Variants in MSI2 observed in about 807,000 individuals in gnomAD.
The protein encoded by MSI2 is RNA-binding protein Musashi homolog 2.
MSI2 carries 17 observed loss-of-function variants against 45.6 expected under a neutral mutation model. The ratio of observed to expected loss-of-function variants is 0.37; its 90% CI spans 0.26 to 0.56. MSI2 has a LOEUF of 0.56. MSI2 is among the 20% of genes least tolerant of loss of function. The pLI, the probability that MSI2 is intolerant of heterozygous loss-of-function variation, is 0.77. For synonymous variants in MSI2, 156 were observed against 158.2 expected, an observed-to-expected ratio of 0.99 and a Z score of 0.11; for missense variants, 293 against 444.2, an observed-to-expected ratio of 0.66 and a Z score of 3.06.
intron 10 of MSI2, among the ~76,000 whole-genome samples, chr17:57,641,040 A>C (rs1425366361): frequency 6.6e-6 from 1 of 152,234 alleles, no homozygotes; most frequent in Non-Finnish European, 1.5e-5. Context: ...ACTAGCTGGT[A>C]AATGGCTGCT....
At chr17:57,314,878 G>A (rs1352784109) in intron 5 of MSI2, among the ~76,000 whole-genome samples, 2 of 152,102 alleles carry the variant, frequency 1.3e-5, no homozygotes, top group East Asian at 1.9e-4. Context: ...CCGCGCCTGC[G>A]TTTTTAGAAG....
intron 6 of MSI2, among the ~76,000 whole-genome samples, chr17:57,428,084 G>T (rs1056144455): frequency 6.6e-6 from 1 of 152,182 alleles, no homozygotes; most frequent in Non-Finnish European, 1.5e-5. Context: ...AGGAATGTTT[G>T]TATATCAGTG....
In MSI2 at chr17:57,317,052, A is replaced by G. The variant is rs149890688; in HGVS notation, c.312+54860A>G. 1.8e-4 allele frequency among the ~76,000 whole-genome samples: 27 copies of G among 152,226 alleles called. No homozygotes were observed. The East Asian group carries it at 5.2e-3, about 29-fold the overall frequency. On this transcript the variant is annotated intron_variant, in intron 5 of 13. Coordinates refer to ENST00000284073, the MANE Select transcript of MSI2 (RefSeq NM_138962.4). ...ATTTGTGGAGGTGGGCTGTGTTTTC[A>G]GAGGCCCTGTCAATAGTTAAGATCT...
intron 6 of MSI2, among the ~76,000 whole-genome samples, chr17:57,402,084 T>G (rs2084002987): frequency 6.6e-6 from 1 of 151,300 alleles, no homozygotes; most frequent in Non-Finnish European, 1.5e-5. Flanking sequence ...GGAAACAGAG[T>G]GTGAGAAGGT....
chr17:57,543,231 A>G (rs574713721), intron 7 of MSI2, among the ~76,000 whole-genome samples: 97 of 152,336 alleles, frequency 6.4e-4, no homozygotes, highest in African/African-American at 2.3e-3. Context: ...GCACCCAAGG[A>G]AAGAACCCAG....
At chr17:57,604,632 G>A (rs1906320139) in intron 8 of MSI2, among the ~76,000 whole-genome samples, 1 of 152,222 alleles carries the variant, frequency 6.6e-6, no homozygotes. Context: ...CCACTTCTAA[G>A]AGCAAAGCCT....
chr17:57,312,438 C>T (rs1305331755), intron 5 of MSI2, among the ~76,000 whole-genome samples: 1 of 152,122 alleles, frequency 6.6e-6, no homozygotes, highest in East Asian at 1.9e-4. Context: ...GCTGCAGGCT[C>T]CCTGGGGCCC....
At chr17:57,512,159 C>T (rs1411612126) in intron 6 of MSI2, among the ~76,000 whole-genome samples, 1 of 152,242 alleles carries the variant, frequency 6.6e-6, no homozygotes, top group African/African-American at 2.4e-5. Context: ...GCACTTATCA[C>T]GTATCCTGCA....
In MSI2 at chr17:57,256,728, C is replaced by T. The variant is rs768313042; in HGVS notation, c.-15C>T. ...GCTTGGTTTTTTGGGGGTGGGGGGG[C>T]GGGGGGGCTCAGATATGGAGGCAAA... is the stretch of plus-strand genomic sequence containing the variant. On this transcript the variant is annotated 5_prime_UTR_variant, in exon 1 of 14. Coordinates refer to ENST00000284073, the MANE Select transcript of MSI2 (RefSeq NM_138962.4). 4 of 1,143,006 alleles carry T rather than the reference C, an allele frequency of 3.5e-6. No individual in the cohort carries two copies. Among genetic ancestry groups the T allele is most frequent in the Admixed American group, 7.2e-5 (1 of 13,868 alleles). 70.8% of individuals were successfully genotyped at this position (1,143,006 alleles called of 1,614,324 possible).
intron 4 of MSI2, among the ~76,000 whole-genome samples, chr17:57,259,759 A>G (rs932137022): frequency 2.0e-5 from 3 of 152,066 alleles, no homozygotes; most frequent in Admixed American, 2.0e-4. Context: ...GTGAAATTAA[A>G]GAGGAAAATC....
chr17:57,537,432 C>T (rs925231689), intron 7 of MSI2, among the ~76,000 whole-genome samples: 6 of 152,220 alleles, frequency 3.9e-5, no homozygotes, highest in African/African-American at 1.4e-4. Context: ...GCTGTCTGCA[C>T]ATTTTATTTT....
chr17:57,560,419 G>T (rs918813419), intron 7 of MSI2, among the ~76,000 whole-genome samples: 2 of 152,136 alleles, frequency 1.3e-5, no homozygotes, highest in Non-Finnish European at 2.9e-5. Context: ...ACTTCCATGG[G>T]GATTTACAAG....
intron 6 of MSI2, among the ~76,000 whole-genome samples, chr17:57,491,562 G>C (rs985299664): frequency 6.6e-6 from 1 of 152,230 alleles, no homozygotes; most frequent in Non-Finnish European, 1.5e-5. Flanking sequence ...TGCAGCCAGA[G>C]GGTCTTGGCC....
At chr17:57,689,295 AT>A (rs1222881855), downstream of MSI2, among the ~76,000 whole-genome samples, 3 of 152,048 alleles carry the variant, frequency 2.0e-5, no homozygotes, top group African/African-American at 7.2e-5. Flanking sequence ...AACTATTTCC[AT>A]TTTTTGAATA....
chr17:57,491,431 A>T (rs943445136), intron 6 of MSI2, among the ~76,000 whole-genome samples: 34 of 152,252 alleles, frequency 2.2e-4, no homozygotes, highest in African/African-American at 7.7e-4. Flanking sequence ...GGTGCTGGAA[A>T]GCAGCCCAGG....
chr17:57,373,647 C>G (rs574422655), intron 5 of MSI2, among the ~76,000 whole-genome samples: 16 of 152,226 alleles, frequency 1.1e-4, no homozygotes, highest in Admixed American at 4.6e-4. Context: ...CCTACTGTCT[C>G]TTCTGTCATC....
intron 6 of MSI2, among the ~76,000 whole-genome samples, chr17:57,421,714 T>G (rs1032197652): frequency 2.6e-5 from 4 of 152,068 alleles, no homozygotes; most frequent in Non-Finnish European, 5.9e-5. Context: ...TGAGACCCTA[T>G]CTGTACAAAA....
chr17:57,514,665 T>G (rs56333746), intron 6 of MSI2, among the ~76,000 whole-genome samples: 6,674 of 118,322 alleles, frequency 0.056, 201 homozygotes, highest in Non-Finnish European at 0.08. Flanking sequence ...TTTTTTTTTT[T>G]TTTTTTTAAG....
At position 57,407,476 on chromosome 17, in the gene MSI2, G is replaced by A. The variant is rs1167807004; in HGVS notation, c.405+6005G>A. Among the ~76,000 whole-genome samples, 2 of 152,210 alleles carry A rather than the reference G, an allele frequency of 1.3e-5. No individual in the cohort carries two copies. Among genetic ancestry groups the A allele is most frequent in the African/African-American group, 2.4e-5 (1 of 41,444 alleles). On this transcript the variant is annotated intron_variant, in intron 6 of 13. Transcript: ENST00000284073. The surrounding 1 kb of genome is among the most constrained non-coding windows in gnomAD (Gnocchi z 4.1). Reference sequence around the variant, plus strand: ...CAGGTAGTGTTTTCTTGCTTTAAATGTGTGTCGTAGATAAACAGAGCTCTG... The same window carrying A: ...CAGGTAGTGTTTTCTTGCTTTAAATATGTGTCGTAGATAAACAGAGCTCTG...
Sources: gnomAD v4.1 joint callset for allele counts (sites outside exome capture counted in the v4.1 genomes callset) on GRCh38, gnomAD v4.1.1 for gene constraint, Gnocchi (gnomAD v3.1) non-coding constraint, MANE v1.5 for transcripts, NCBI Gene and HGNC (gene_info 2026-07-23, HGNC 2026-07-21) for gene names.